The following NYAP2 variants were observed in gnomAD, a reference collection of about 807,000 sequenced individuals.
NYAP2 encodes neuronal tyrosine-phosphorylated phosphoinositide-3-kinase adapter 2.
NYAP2 carries 23 observed loss-of-function variants against 50.4 expected under a neutral mutation model. That is an observed-to-expected ratio of 0.46 (90% CI 0.33 to 0.65). The LOEUF (loss-of-function observed/expected upper bound fraction) is 0.65, where lower values mean the gene tolerates loss of function less well. Ranked by LOEUF, NYAP2 falls within the 30% of genes least tolerant of loss-of-function variation. The pLI is 0.02. For missense variants in NYAP2, 885 were observed against 861.0 expected (o/e 1.03, Z -0.35); for synonymous variants, 394 against 365.2 (o/e 1.08, Z -0.90).
intron 4 of NYAP2, among the ~76,000 whole-genome samples, chr2:225,579,356 G>A (rs16866652): frequency 4.7e-4 from 72 of 151,994 alleles, no homozygotes; most frequent in African/African-American, 1.7e-3. Flanking sequence ...TTTGTTTCCC[G>A]TGTCATACAA....
At chr2:225,586,052 C>A (rs1559222634) in intron 5 of NYAP2, among the ~76,000 whole-genome samples, 1 of 152,174 alleles carries the variant, frequency 6.6e-6, no homozygotes, top group African/African-American at 2.4e-5. Context: ...ACTGATATCT[C>A]TATTTTCCAA....
upstream of NYAP2, among the ~76,000 whole-genome samples, chr2:225,398,093 AT>A (rs1287501824): frequency 6.6e-6 from 1 of 151,854 alleles, no homozygotes; most frequent in Non-Finnish European, 1.5e-5. Flanking sequence ...CAGATTCTTC[AT>A]TTTTTATGCT....
intron 3 of NYAP2, among the ~76,000 whole-genome samples, chr2:225,500,912 A>C (rs1690593429): frequency 6.6e-6 from 1 of 152,202 alleles, no homozygotes; most frequent in Non-Finnish European, 1.5e-5. Context: ...GAGATTTTGC[A>C]AAATGGGGTA....
chr2:225,559,560 C>G (rs139663690), intron 4 of NYAP2, among the ~76,000 whole-genome samples: 3 of 152,018 alleles, frequency 2.0e-5, no homozygotes, highest in Admixed American at 2.0e-4. Context: ...AGAAACTCCT[C>G]ATGAATTTTT....
Position 225,544,975 on chromosome 2 carries a change from AT to A in NYAP2, c.523+31311del, listed in dbSNP as rs888913132. On this transcript the variant is annotated intron_variant, in intron 4 of 6. Coordinates refer to ENST00000636099, the Ensembl canonical transcript of NYAP2. ...GACATACTATTCTAGGGTAAAAGTT[AT>A]TTTTTTTCCTTCAGCACTTTAAATA... Among the ~76,000 whole-genome samples, 4 of 151,780 alleles carry A rather than the reference AT, an allele frequency of 2.6e-5. 1 individual carries two copies. Among genetic ancestry groups the A allele is most frequent in the African/African-American group, 9.7e-5 (4 of 41,344 alleles).
At chr2:225,602,119 A>G (rs1559226963) in intron 5 of NYAP2, among the ~76,000 whole-genome samples, 1 of 152,164 alleles carries the variant, frequency 6.6e-6, no homozygotes, top group Non-Finnish European at 1.5e-5. Flanking sequence ...GTTGCCAGCT[A>G]TGGGACTCAG....
chr2:225,552,812 C>T (rs1394847784), intron 4 of NYAP2, among the ~76,000 whole-genome samples: 4 of 152,130 alleles, frequency 2.6e-5, no homozygotes, highest in Non-Finnish European at 4.4e-5. Flanking sequence ...CTCAGCCTCC[C>T]GAGTAGCTGG....
At chr2:225,469,537 A>C (rs977766598) in intron 3 of NYAP2, among the ~76,000 whole-genome samples, 21 of 152,182 alleles carry the variant, frequency 1.4e-4, no homozygotes, top group African/African-American at 5.1e-4. Context: ...TTCTACTATA[A>C]AGACACATGC....
At chr2:225,646,823 G>A (rs1363196231) in intron 6 of NYAP2, among the ~76,000 whole-genome samples, 2 of 152,104 alleles carry the variant, frequency 1.3e-5, no homozygotes, top group Non-Finnish European at 2.9e-5. Context: ...ATATTGCAGT[G>A]CCTACTGGGG....
At chr2:225,616,025 T>A (rs1168739874) in intron 5 of NYAP2, among the ~76,000 whole-genome samples, 1 of 152,194 alleles carries the variant, frequency 6.6e-6, no homozygotes, top group Admixed American at 6.5e-5. Flanking sequence ...CTTGGGCAAG[T>A]TGTGTGAAGG....
chr2:225,698,038 C>A, the NYAP2 span, among the ~76,000 whole-genome samples: 4 of 151,530 alleles, frequency 2.6e-5, no homozygotes, highest in Non-Finnish European at 5.9e-5. Flanking sequence ...ATTAGCTGGG[C>A]ATGGTGGTAT....
At chr2:225,671,267 C>T in the NYAP2 span, among the ~76,000 whole-genome samples, 1 of 152,072 alleles carries the variant, frequency 6.6e-6, no homozygotes, top group Non-Finnish European at 1.5e-5. Flanking sequence ...TTCTCTCAAA[C>T]CCTGACACTG....
intron 5 of NYAP2, among the ~76,000 whole-genome samples, chr2:225,618,094 G>A (rs1693020454): frequency 6.6e-6 from 1 of 152,156 alleles, no homozygotes; most frequent in Admixed American, 6.5e-5. Context: ...ATGACACAAC[G>A]TTTTAATGTA....
chr2:225,645,238 GAAA>G (rs36010669), intron 6 of NYAP2, among the ~76,000 whole-genome samples: 1 of 101,530 alleles, frequency 9.8e-6, no homozygotes, highest in Non-Finnish European at 2.0e-5. Context: ...AGCCTGGGCA[GAAA>G]AAAAAAAAAA....
chr2:225,688,999 C>T, the NYAP2 span, among the ~76,000 whole-genome samples: 1 of 152,154 alleles, frequency 6.6e-6, no homozygotes, highest in African/African-American at 2.4e-5. Context: ...GCCTCAGCCT[C>T]CCAAAGTGCT....
At chr2:225,553,997 A>G (rs1336959483) in intron 4 of NYAP2, among the ~76,000 whole-genome samples, 1 of 152,048 alleles carries the variant, frequency 6.6e-6, no homozygotes, top group Non-Finnish European at 1.5e-5. Context: ...TCCAGCCTGG[A>G]CTCTGTCTCA....
the NYAP2 span, among the ~76,000 whole-genome samples, chr2:225,660,461 C>A: frequency 2.0e-5 from 1 of 50,428 alleles, no homozygotes; most frequent in African/African-American, 4.9e-5. Context: ...TTTTTTTTTG[C>A]CAACCTCAGC....
chr2:225,472,500 C>G (rs930061833), intron 3 of NYAP2, among the ~76,000 whole-genome samples: 1 of 152,044 alleles, frequency 6.6e-6, no homozygotes, highest in Non-Finnish European at 1.5e-5. Context: ...AAGAGTCCTT[C>G]AAAATTAAAC....
intron 5 of NYAP2, among the ~76,000 whole-genome samples, chr2:225,621,844 C>T (rs1343092279): frequency 6.6e-6 from 1 of 151,972 alleles, no homozygotes; most frequent in Non-Finnish European, 1.5e-5. Context: ...CTTCCAGTAG[C>T]AATAAACCCT....
Sources: gnomAD v4.1 joint callset for allele counts (sites outside exome capture counted in the v4.1 genomes callset) on GRCh38, gnomAD v4.1.1 for gene constraint, MANE v1.5 for transcripts, NCBI Gene and HGNC (gene_info 2026-07-23, HGNC 2026-07-21) for gene names.